The following DMD variants were observed in gnomAD, a reference collection of about 807,000 sequenced individuals.
DMD encodes dystrophin.
A neutral mutation model predicts 330.1 loss-of-function variants in DMD; 63 were observed. That is an observed-to-expected ratio of 0.19 (90% confidence interval 0.16 to 0.24). The LOEUF (loss-of-function observed/expected upper bound fraction) is 0.24, where lower values mean the gene tolerates loss of function less well. DMD is among the 10% of genes least tolerant of loss of function. The pLI is 1.00. For missense variants in DMD, 3,344 were observed against 2,684.1 expected (o/e 1.25, Z -5.43); for synonymous variants, 1,223 against 959.8 (o/e 1.27, Z -5.07).
intron 7 of DMD, among the ~76,000 whole-genome samples, chrX:32,764,987 T>C (rs2072794646): frequency 9.4e-6 from 1 of 106,380 alleles, no homozygotes; most frequent in African/African-American, 3.4e-5. Context: ...TGTTTTAAAA[T>C]AATCATCATC....
intron 2 of DMD, among the ~76,000 whole-genome samples, chrX:32,935,955 G>C (rs753826274): frequency 7.9e-4 from 88 of 111,413 alleles, no homozygotes; most frequent in African/African-American, 2.7e-3. Flanking sequence ...GGTGGACATA[G>C]GAGGTAATAT....
At chrX:32,749,594 GAATGAATGGA>G (rs1379979836) in intron 7 of DMD, among the ~76,000 whole-genome samples, 2 of 112,436 alleles carry the variant, frequency 1.8e-5, no homozygotes, top group African/African-American at 6.5e-5. Context: ...GAAATGGAAA[GAATGAATGGA>G]AATGAAGTGG....
chrX:32,353,697 AC>A (rs1433768424), intron 37 of DMD, among the ~76,000 whole-genome samples: 1 of 111,364 alleles, frequency 9.0e-6, no homozygotes, highest in East Asian at 2.8e-4. Flanking sequence ...TTTTTTACTT[AC>A]CTTTTCATTT....
chrX:31,414,529 A>G (rs2061784362), intron 60 of DMD, among the ~76,000 whole-genome samples: 1 of 112,039 alleles, frequency 8.9e-6, no homozygotes, highest in South Asian at 3.7e-4. Flanking sequence ...TACATGTTCA[A>G]TTAAATGACT....
intron 44 of DMD, among the ~76,000 whole-genome samples, chrX:32,010,598 T>C (rs146840652): frequency 1.3e-3 from 148 of 111,653 alleles, no homozygotes; most frequent in Non-Finnish European, 1.6e-3. Context: ...GCTCTGGGCG[T>C]CACTGCACAA....
chrX:32,456,926 G>C (rs1603633928), intron 25 of DMD, among the ~76,000 whole-genome samples: 1 of 97,580 alleles, frequency 1.0e-5, no homozygotes, highest in Non-Finnish European at 2.1e-5. Flanking sequence ...TGGGTATGCA[G>C]GTCTAGGATC....
intron 60 of DMD, among the ~76,000 whole-genome samples, chrX:31,363,183 T>TA (rs979830680): frequency 9.0e-6 from 1 of 111,386 alleles, no homozygotes; most frequent in African/African-American, 3.3e-5. Flanking sequence ...ATATTTGTTT[T>TA]AAAAAACAGA....
chrX:31,682,062 C>T (rs1446527397), intron 52 of DMD, among the ~76,000 whole-genome samples: 1 of 112,191 alleles, frequency 8.9e-6, no homozygotes, highest in East Asian at 2.8e-4. Flanking sequence ...GCCTGGGTGA[C>T]AGAGCAAAAC....
intron 44 of DMD, among the ~76,000 whole-genome samples, chrX:32,179,606 T>C (rs933881501): frequency 1.8e-5 from 2 of 112,026 alleles, no homozygotes; most frequent in South Asian, 3.7e-4. Flanking sequence ...CAGGGGAGCA[T>C]ACCTTGATAA....
At chrX:33,126,241 T>G (rs182001110) in intron 1 of DMD, among the ~76,000 whole-genome samples, 1 of 111,954 alleles carries the variant, frequency 8.9e-6, no homozygotes, top group African/African-American at 3.2e-5. Flanking sequence ...ATGCTTCAAT[T>G]TTGTGAGGAT....
intron 18 of DMD, among the ~76,000 whole-genome samples, chrX:32,506,619 C>A (rs2044655819): frequency 9.0e-6 from 1 of 111,418 alleles, no homozygotes; most frequent in Non-Finnish European, 1.9e-5. Flanking sequence ...CTCTGAAGGG[C>A]AACAAATGAA....
chrX:33,217,580 T>C (rs2052080724), intron 1 of DMD, among the ~76,000 whole-genome samples: 1 of 111,790 alleles, frequency 8.9e-6, no homozygotes, highest in African/African-American at 3.2e-5. Flanking sequence ...AGTTAATTGC[T>C]TGTATACAAA....
chrX:31,306,362 A>T (rs1259026565), intron 62 of DMD, among the ~76,000 whole-genome samples: 1 of 111,704 alleles, frequency 9.0e-6, no homozygotes, highest in Non-Finnish European at 1.9e-5. Flanking sequence ...GAAATTATGT[A>T]AGGGCATACA....
At chrX:31,130,699 T>C (rs1357222531) in intron 77 of DMD, among the ~76,000 whole-genome samples, 2 of 112,123 alleles carry the variant, frequency 1.8e-5, no homozygotes, top group Non-Finnish European at 3.8e-5. Context: ...ATTAGAAGCC[T>C]AACTTAACCT....
chrX:32,491,537 T>C lies in DMD; in HGVS notation c.2381-19A>G. 1 of 1,195,020 alleles carries C rather than the reference T, an allele frequency of 8.4e-7. No homozygotes were observed. Among genetic ancestry groups the C allele is most frequent in the Non-Finnish European group, 1.1e-6 (1 of 885,524 alleles). On this transcript the variant is annotated intron_variant, in intron 19 of 78. Coordinates refer to ENST00000357033, the MANE Select transcript of DMD (RefSeq NM_004006.3). ...ACACCCTCTAGAAAGAAAAAAATAATTAAATATATCCCCTGAACCCACAGA... is the reference window on the plus strand; with the variant it reads ...ACACCCTCTAGAAAGAAAAAAATAACTAAATATATCCCCTGAACCCACAGA...
intron 2 of DMD, among the ~76,000 whole-genome samples, chrX:32,895,854 T>C (rs1337783789): frequency 4.2e-5 from 4 of 94,327 alleles, no homozygotes; most frequent in Non-Finnish European, 8.8e-5. Flanking sequence ...CGTGTGTGTG[T>C]GTGTGTGTGT....
At position 32,631,709 on chromosome X, in the gene DMD, T is replaced by G. The variant is rs1236300195; in HGVS notation, c.1331+12423A>C. Among the ~76,000 whole-genome samples the G allele has an allele frequency of 2.1e-4, 23 of 110,624 alleles. No individual in the cohort carries two copies. In the Admixed American group the frequency reaches 2.2e-3, roughly 11 times the overall value. ...GGTGAGTGGGAGGGTACCACACACT[T>G]TTAACCAACTGGATCTGACAAGAAT... On this transcript the variant is annotated intron_variant, in intron 11 of 78. Transcript: ENST00000357033.
At chrX:32,374,208 T>C (rs1020419363) in intron 34 of DMD, among the ~76,000 whole-genome samples, 31 of 111,791 alleles carry the variant, frequency 2.8e-4, no homozygotes, top group Non-Finnish European at 3.6e-4. Context: ...ATATTATTCT[T>C]TTGTCAGATG....
rs188339668 is a variant in DMD, at chrX:32,846,663, T to C, written c.187-1803A>G. Among the ~76,000 whole-genome samples the C allele has an allele frequency of 2.4e-3, 253 of 106,344 alleles. 10 individuals carry two copies. The highest frequency in any genetic ancestry group is 2.1e-3 in the Non-Finnish European group (108 of 51,930). 92.3% of individuals were successfully genotyped at this position (106,344 alleles called of 115,157 possible). A position where few individuals can be genotyped will look rare whatever the true frequency, so the allele number is the denominator to read the frequency against. On this transcript the variant is annotated intron_variant, in intron 3 of 78. Transcript: ENST00000357033. ...CAAGAATGTCAGAATGATGTTGGTT[T>C]ACATTCTGATATTTCTCCCACTTTC...
Sources: allele counts gnomAD v4.1 joint callset (sites outside exome capture counted in the v4.1 genomes callset), GRCh38; gene constraint gnomAD v4.1.1; transcripts MANE v1.5; gene names NCBI Gene and HGNC (gene_info 2026-07-23, HGNC 2026-07-21).